The following SEMA6D variants were observed in gnomAD, a reference collection of about 807,000 sequenced individuals.
SEMA6D encodes the protein semaphorin 6D.
In SEMA6D, 35 loss-of-function variants were observed where a neutral mutation model predicts 106.6. That is an observed-to-expected ratio of 0.33 (90% CI 0.25 to 0.44). The LOEUF is 0.44. Among genes scored for constraint, SEMA6D ranks in the 20% least tolerant of loss-of-function variants. The pLI is 1.00. For missense variants in SEMA6D, 1,185 were observed against 1,345.9 expected (o/e 0.88, Z 1.87); for synonymous variants, 499 against 487.7 (o/e 1.02, Z -0.31).
At position 47,480,168 on chromosome 15, in the gene SEMA6D, A is replaced by G. The variant is rs1477006262; in HGVS notation, c.-87+9623A>G. Among the ~76,000 whole-genome samples, 3 of 151,766 alleles carry G rather than the reference A, an allele frequency of 2.0e-5. No homozygotes were observed. The East Asian group carries it at 5.8e-4, about 29-fold the overall frequency. ...CCACCACACCTGGCCCTATTTTCTT[A>G]TCATTCTTATTGCACTTCCTGTGTT... is the stretch of plus-strand genomic sequence containing the variant. On this transcript the variant is annotated intron_variant, in intron 3 of 19. Coordinates refer to the SEMA6D transcript ENST00000558014.
chr15:47,201,101 T>C (rs1310182531), intron 1 of SEMA6D, among the ~76,000 whole-genome samples: 5 of 152,206 alleles, frequency 3.3e-5, no homozygotes, highest in African/African-American at 7.2e-5. Flanking sequence ...CTTGTGTGTG[T>C]TTTATATTTT....
chr15:47,381,729 A>G (rs2039646957), intron 1 of SEMA6D, among the ~76,000 whole-genome samples: 1 of 152,230 alleles, frequency 6.6e-6, no homozygotes, highest in Non-Finnish European at 1.5e-5. Flanking sequence ...AATTCAAGGT[A>G]ACGTGATATT....
At chr15:47,305,714 TC>T (rs2036205615) in intron 1 of SEMA6D, among the ~76,000 whole-genome samples, 1 of 152,170 alleles carries the variant, frequency 6.6e-6, no homozygotes. Context: ...CAGTGAAAAA[TC>T]ATTGCATGTT....
intron 1 of SEMA6D, among the ~76,000 whole-genome samples, chr15:47,727,946 G>C (rs531649763): frequency 6.6e-6 from 1 of 152,350 alleles, no homozygotes; most frequent in East Asian, 1.9e-4. Flanking sequence ...GCCGTGCTTG[G>C]AAGAGCTGGA....
intron 3 of SEMA6D, among the ~76,000 whole-genome samples, chr15:47,491,099 CGTACGTACAT>C: frequency 6.6e-6 from 1 of 152,280 alleles, no homozygotes; most frequent in African/African-American, 2.4e-5. Flanking sequence ...CACATATACA[CGTACGTACAT>C]ATAAGTAGAA....
At chr15:47,735,053 TA>T (rs961937836) in intron 1 of SEMA6D, among the ~76,000 whole-genome samples, 2 of 151,654 alleles carry the variant, frequency 1.3e-5, no homozygotes, top group East Asian at 1.9e-4. Flanking sequence ...TTGCCACACT[TA>T]AAAAAAAATC....
intron 3 of SEMA6D, among the ~76,000 whole-genome samples, chr15:47,573,947 G>C (rs1448557514): frequency 6.6e-6 from 1 of 152,156 alleles, no homozygotes; most frequent in Non-Finnish European, 1.5e-5. Flanking sequence ...TTCAGTGCAA[G>C]CCCATCAAAT....
At chr15:47,339,219 T>C (rs919828132) in intron 1 of SEMA6D, 1 of 152,126 alleles carries the variant, frequency 6.6e-6, no homozygotes, top group Non-Finnish European at 1.5e-5. Flanking sequence ...ATCCACTAAA[T>C]GTAAGTGTTT....
chr15:47,757,153 G>T (rs1457716792), intron 1 of SEMA6D, among the ~76,000 whole-genome samples: 2 of 152,084 alleles, frequency 1.3e-5, no homozygotes, highest in African/African-American at 4.8e-5. Context: ...CCTGGTGAGG[G>T]CTCCTCCCCG....
chr15:47,407,918 TTGG>T (rs551506630), intron 1 of SEMA6D, among the ~76,000 whole-genome samples: 9 of 152,166 alleles, frequency 5.9e-5, no homozygotes, highest in African/African-American at 1.9e-4. Flanking sequence ...TTTCTGCACC[TTGG>T]TGGTGGTGGT....
At chr15:47,347,960 A>G (rs2038111547) in intron 1 of SEMA6D, among the ~76,000 whole-genome samples, 1 of 152,158 alleles carries the variant, frequency 6.6e-6, no homozygotes, top group African/African-American at 2.4e-5. Context: ...ATCTTGTTGC[A>G]TAAATGCTTC....
chr15:47,324,752 GTATA>G (rs542441561), intron 1 of SEMA6D, among the ~76,000 whole-genome samples: 2 of 151,108 alleles, frequency 1.3e-5, no homozygotes, highest in African/African-American at 2.4e-5. Context: ...ACATACGTGT[GTATA>G]TATATAGTAA....
chr15:47,315,516 G>C (rs954226130), intron 1 of SEMA6D, among the ~76,000 whole-genome samples: 3 of 152,212 alleles, frequency 2.0e-5, no homozygotes, highest in African/African-American at 7.2e-5. Flanking sequence ...AGTAAGTCTA[G>C]AAGTTGGTCG....
At chr15:47,210,186 G>C (rs1287515507) in intron 1 of SEMA6D, among the ~76,000 whole-genome samples, 1 of 152,066 alleles carries the variant, frequency 6.6e-6, no homozygotes, top group Non-Finnish European at 1.5e-5. Flanking sequence ...AGCTTTTACT[G>C]TATGTCGACT....
chr15:47,707,244 C>CA (rs1218226803), intron 4 of SEMA6D, among the ~76,000 whole-genome samples: 3 of 152,130 alleles, frequency 2.0e-5, no homozygotes, highest in Non-Finnish European at 4.4e-5. Flanking sequence ...ACTTTAGCAG[C>CA]AAATCTTGAT....
At chr15:47,526,631 C>G (rs527634054) in intron 3 of SEMA6D, among the ~76,000 whole-genome samples, 85 of 152,310 alleles carry the variant, frequency 5.6e-4, no homozygotes, top group African/African-American at 2.0e-3. Context: ...GGTGGGCAGC[C>G]AGCTTTTCTC....
chr15:47,651,331 G>C (rs747659964), intron 4 of SEMA6D, among the ~76,000 whole-genome samples: 38 of 152,052 alleles, frequency 2.5e-4, no homozygotes, highest in Non-Finnish European at 4.1e-4. Context: ...TTGAGCCCAG[G>C]AATTGGAGGC....
intron 3 of SEMA6D, among the ~76,000 whole-genome samples, chr15:47,525,851 T>C (rs1027971431): frequency 6.6e-6 from 1 of 151,948 alleles, no homozygotes; most frequent in Non-Finnish European, 1.5e-5. Context: ...TTTACTTAGA[T>C]GGCAGTTTAA....
chr15:47,394,038 T>C (rs2040127233), intron 1 of SEMA6D, among the ~76,000 whole-genome samples: 1 of 152,188 alleles, frequency 6.6e-6, no homozygotes, highest in Admixed American at 6.5e-5. Flanking sequence ...TCCCTGGTTC[T>C]TATACCTACT....
Sources: gnomAD v4.1 joint callset for allele counts (sites outside exome capture counted in the v4.1 genomes callset) on GRCh38, gnomAD v4.1.1 for gene constraint, MANE v1.5 for transcripts, NCBI Gene and HGNC (gene_info 2026-07-23, HGNC 2026-07-21) for gene names.